GUCY1A2: variants seen among roughly 807,000 people sequenced by gnomAD.
GUCY1A2 encodes guanylate cyclase soluble subunit alpha-2.
In GUCY1A2, 27 loss-of-function variants were observed where a neutral mutation model predicts 63.5. The observed-to-expected ratio is 0.43, with a 90% CI of 0.31 to 0.59. GUCY1A2 has a LOEUF of 0.59. GUCY1A2 is among the 20% of genes least tolerant of loss of function. GUCY1A2 has a pLI of 0.11. For synonymous variants in GUCY1A2, 364 were observed against 343.5 expected, an observed-to-expected ratio of 1.06 and a Z score of -0.66; for missense variants, 768 against 913.3, an observed-to-expected ratio of 0.84 and a Z score of 2.05.
chr11:106,907,240 G>A (rs1299038990), intron 4 of GUCY1A2, among the ~76,000 whole-genome samples: 1 of 151,510 alleles, frequency 6.6e-6, no homozygotes, highest in Non-Finnish European at 1.5e-5. Context: ...CCCTCTTCAG[G>A]TGCACCTATG....
At chr11:106,942,182 C>T (rs1035145261) in intron 3 of GUCY1A2, among the ~76,000 whole-genome samples, 4 of 152,124 alleles carry the variant, frequency 2.6e-5, no homozygotes, top group Non-Finnish European at 5.9e-5. Context: ...ACTGTTTTGT[C>T]CTTATCTTAC....
At chr11:106,725,493 A>C (rs1390582818) in intron 6 of GUCY1A2, among the ~76,000 whole-genome samples, 1 of 152,132 alleles carries the variant, frequency 6.6e-6, no homozygotes, top group Non-Finnish European at 1.5e-5. Flanking sequence ...TTCATGGTGT[A>C]TATTTAGGAG....
chr11:106,951,087 C>A (rs1860901843), intron 3 of GUCY1A2, among the ~76,000 whole-genome samples: 1 of 152,196 alleles, frequency 6.6e-6, no homozygotes, highest in African/African-American at 2.4e-5. Context: ...ATTTTTATGG[C>A]TGCATTTTAT....
intron 5 of GUCY1A2, among the ~76,000 whole-genome samples, chr11:106,793,302 G>C (rs985201838): frequency 1.3e-5 from 2 of 151,926 alleles, no homozygotes; most frequent in Non-Finnish European, 2.9e-5. Flanking sequence ...GATAGGGTTG[G>C]GGAAATGAAA....
At chr11:106,779,900 A>T (rs1864428841) in intron 5 of GUCY1A2, among the ~76,000 whole-genome samples, 1 of 152,206 alleles carries the variant, frequency 6.6e-6, no homozygotes, top group Non-Finnish European at 1.5e-5. Flanking sequence ...AAACTTTAAG[A>T]CTAGGCGTGG....
At chr11:106,850,685 C>T (rs1366565655) in intron 4 of GUCY1A2, among the ~76,000 whole-genome samples, 1 of 151,738 alleles carries the variant, frequency 6.6e-6, no homozygotes, top group Non-Finnish European at 1.5e-5. Flanking sequence ...GACACGGATG[C>T]ATTCTTTTTT....
At chr11:106,784,267 G>A (rs1312670155) in intron 5 of GUCY1A2, among the ~76,000 whole-genome samples, 5 of 152,010 alleles carry the variant, frequency 3.3e-5, no homozygotes, top group Non-Finnish European at 7.4e-5. Flanking sequence ...CCTGAGTCCC[G>A]GTGCCAGCCA....
chr11:106,920,317 G>A (rs1860425990), intron 4 of GUCY1A2, among the ~76,000 whole-genome samples: 1 of 151,980 alleles, frequency 6.6e-6, no homozygotes. Flanking sequence ...TTAGGCAGTG[G>A]ATTCACAGGT....
At chr11:106,848,610 A>G (rs1859310239) in intron 4 of GUCY1A2, among the ~76,000 whole-genome samples, 1 of 151,652 alleles carries the variant, frequency 6.6e-6, no homozygotes, top group South Asian at 2.1e-4. Context: ...GAGTATTATA[A>G]TTTTTGTTAT....
At chr11:106,724,480 T>A (rs1373378335) in intron 6 of GUCY1A2, among the ~76,000 whole-genome samples, 2 of 152,210 alleles carry the variant, frequency 1.3e-5, no homozygotes, top group Admixed American at 6.5e-5. Context: ...TCACCTGCCC[T>A]TAAGTGCCTT....
chr11:106,997,617 A>ACCCC (rs377457144), intron 1 of GUCY1A2, among the ~76,000 whole-genome samples: 5 of 119,766 alleles, frequency 4.2e-5, no homozygotes, highest in African/African-American at 1.3e-4. Context: ...AAGATAGGGA[A>ACCCC]CCCCCCCCCC....
At chr11:106,776,116 A>G (rs964587457) in intron 6 of GUCY1A2, among the ~76,000 whole-genome samples, 1 of 152,140 alleles carries the variant, frequency 6.6e-6, no homozygotes, top group Non-Finnish European at 1.5e-5. Context: ...GATTACCTCT[A>G]AAACTCCGAA....
At chr11:106,802,761 C>T (rs987128792) in intron 5 of GUCY1A2, among the ~76,000 whole-genome samples, 2 of 152,138 alleles carry the variant, frequency 1.3e-5, no homozygotes, top group Admixed American at 1.3e-4. Flanking sequence ...AAAGCAAGCT[C>T]AAGTCACTTC....
intron 4 of GUCY1A2, among the ~76,000 whole-genome samples, chr11:106,888,995 T>C (rs1444997296): frequency 6.6e-6 from 1 of 152,080 alleles, no homozygotes; most frequent in Non-Finnish European, 1.5e-5. Context: ...CGGTATTCTC[T>C]ATTTAGAAAA....
rs193265218 is a variant in GUCY1A2 at position 106,710,626 on chromosome 11, G to C, written c.1837-1960C>G. On this transcript the variant is annotated intron_variant, in intron 6 of 7. Transcript: ENST00000526355. ...TTCTGAAGAGTAAATTAAGTGCTGT[G>C]TATTTACTCTCTGATTAGTCTGTCT... 2.2e-3 allele frequency among the ~76,000 whole-genome samples: 329 copies of C among 151,624 alleles called. 4 individuals carry two copies. Among genetic ancestry groups the C allele is most frequent in the Admixed American group, 0.019 (295 of 15,134 alleles).
intron 5 of GUCY1A2, among the ~76,000 whole-genome samples, chr11:106,804,718 T>C (rs1368734119): frequency 6.6e-6 from 1 of 152,196 alleles, no homozygotes; most frequent in Non-Finnish European, 1.5e-5. Context: ...TGTTTTCAGA[T>C]GTTTGATGAG....
intron 6 of GUCY1A2, among the ~76,000 whole-genome samples, chr11:106,718,135 C>G (rs186663742): frequency 2.0e-5 from 3 of 152,232 alleles, no homozygotes; most frequent in African/African-American, 7.2e-5. Context: ...GGCAAAATAT[C>G]TTACTGTATT....
At chr11:106,859,863 G>T (rs1243421912) in intron 4 of GUCY1A2, among the ~76,000 whole-genome samples, 1 of 151,860 alleles carries the variant, frequency 6.6e-6, no homozygotes, top group Non-Finnish European at 1.5e-5. Flanking sequence ...ACATAGCCTA[G>T]GTGTGCAGTA....
At chr11:106,862,519 A>T (rs951397804) in intron 4 of GUCY1A2, among the ~76,000 whole-genome samples, 4 of 151,966 alleles carry the variant, frequency 2.6e-5, no homozygotes, top group African/African-American at 9.7e-5. Flanking sequence ...AGCCTTTTCT[A>T]TTGTGAAAAC....
Sources: allele counts gnomAD v4.1 joint callset (sites outside exome capture counted in the v4.1 genomes callset), GRCh38; gene constraint gnomAD v4.1.1; transcripts MANE v1.5; gene names NCBI Gene and HGNC (gene_info 2026-07-23, HGNC 2026-07-21).